The following BIRC6 variants were observed in gnomAD, a reference collection of about 807,000 sequenced individuals.
BIRC6 encodes dual E2 ubiquitin-conjugating enzyme/E3 ubiquitin-protein ligase BIRC6.
BIRC6 carries 98 observed loss-of-function variants against 503.3 expected under a neutral mutation model. The observed-to-expected ratio is 0.19, with a 90% CI of 0.17 to 0.23. BIRC6 has a LOEUF of 0.23. BIRC6 is among the 10% of genes least tolerant of loss of function. The probability of loss-of-function intolerance (pLI) is 1.00; values close to 1 mark genes in which losing one functional copy is unlikely to be tolerated. For synonymous variants in BIRC6, 2,240 were observed against 2,078.7 expected, an observed-to-expected ratio of 1.08 and a Z score of -2.11; for missense variants, 5,360 against 5,806.0, an observed-to-expected ratio of 0.92 and a Z score of 2.50.
intron 66 of BIRC6, among the ~76,000 whole-genome samples, chr2:32,575,641 T>C (rs1464565413): frequency 6.6e-6 from 1 of 151,942 alleles, no homozygotes; most frequent in Non-Finnish European, 1.5e-5. Context: ...GGCGGGCACC[T>C]GTAGTCCCAG....
At position 32,482,462 on chromosome 2, in the gene BIRC6, G is replaced by T. The variant is rs751945632; in HGVS notation, c.7576G>T (p.Ala2526Ser). The T allele has an allele frequency of 1.2e-6, 2 of 1,613,920 alleles. No individual in the cohort carries two copies. The highest frequency in any genetic ancestry group is 1.7e-6 in the Non-Finnish European group (2 of 1,179,846). Reference sequence around the variant, plus strand: ...CAGTACATGGTATGATTATTGGGGTGCTGATTATGGGACCTACAATTACAA... The same window carrying T: ...CAGTACATGGTATGATTATTGGGGTTCTGATTATGGGACCTACAATTACAA... ...ISSTWYDYWG[A>S]DYGTYNYNPY... is the part of the protein sequence containing the mutation. Residue 2526 changes from alanine (A) to serine (S), a missense_variant, in exon 39 of 74, where the codon GCT becomes TCT. Coordinates refer to ENST00000421745, the MANE Select transcript of BIRC6 (RefSeq NM_016252.4).
At chr2:32,396,961 C>T (rs1378813746) in intron 6 of BIRC6, among the ~76,000 whole-genome samples, 1 of 152,066 alleles carries the variant, frequency 6.6e-6, no homozygotes, top group Non-Finnish European at 1.5e-5. Context: ...CTCCTGAGCT[C>T]AGGTGATCCA....
At chr2:32,397,480 A>G (rs1394046983) in intron 6 of BIRC6, among the ~76,000 whole-genome samples, 1 of 151,340 alleles carries the variant, frequency 6.6e-6, no homozygotes, top group African/African-American at 2.4e-5. Context: ...CTCAAAAAAA[A>G]AGAGTGAAGC....
chr2:32,445,267 CTT>C (rs1208720371), intron 20 of BIRC6, among the ~76,000 whole-genome samples: 1 of 152,186 alleles, frequency 6.6e-6, no homozygotes, highest in Non-Finnish European at 1.5e-5. Context: ...ACCTAAATGA[CTT>C]TATAAAACTC....
intron 53 of BIRC6, among the ~76,000 whole-genome samples, chr2:32,511,201 CTTTTTT>C: frequency 3.1e-4 from 15 of 48,582 alleles, no homozygotes; most frequent in Admixed American, 1.7e-3. Flanking sequence ...CTTTTCTTTT[CTTTTTT>C]TTTTTTTTTT....
At chr2:32,411,099 C>T (rs1201573761) in intron 9 of BIRC6, among the ~76,000 whole-genome samples, 3 of 151,892 alleles carry the variant, frequency 2.0e-5, no homozygotes, top group Admixed American at 6.6e-5. Context: ...AGTGCAATGG[C>T]GTGATCTTGG....
intron 60 of BIRC6, among the ~76,000 whole-genome samples, chr2:32,530,615 T>G (rs955729357): frequency 0.069 from 4 of 58 alleles, no homozygotes; most frequent in South Asian, 0.33. Context: ...ACATTGTGGT[T>G]GTTTCCAATT....
chr2:32,440,680 G>C (rs568890878), intron 16 of BIRC6, among the ~76,000 whole-genome samples: 1 of 151,910 alleles, frequency 6.6e-6, no homozygotes, highest in East Asian at 1.9e-4. Context: ...AATACTGAAA[G>C]TGAGTGAACC....
chr2:32,579,631 G>C (rs1209186630), intron 66 of BIRC6, among the ~76,000 whole-genome samples: 1 of 152,112 alleles, frequency 6.6e-6, no homozygotes, highest in Non-Finnish European at 1.5e-5. Context: ...TGAGGTTACA[G>C]TGAGCTATGA....
At position 32,593,964 on chromosome 2, in the gene BIRC6, C is replaced by G; in HGVS notation, c.13405C>G (p.Gln4469Glu). ...AGGAGTAAAACCAGATGCGTCTGAT[C>G]AAGAACCAGAAGGACTTACTCTTTT... ...KTGVKPDASDQEPEGLTLLVP... is the reference protein window; with the variant it reads ...KTGVKPDASDEEPEGLTLLVP... The change falls in exon 67 of 74, where the codon CAA becomes GAA. Residue 4469 changes from glutamine (Q) to glutamate (E), a missense_variant. Gln to Glu is a conservative substitution (Grantham distance 29, BLOSUM62 2). Around this residue, in one of 16 missense-constraint regions of BIRC6, gnomAD observed 477 missense variants for 574.4 expected, o/e 0.83. Transcript: ENST00000421745. 1 of 1,613,478 alleles carries G rather than the reference C, an allele frequency of 6.2e-7. No individual in the cohort carries two copies. Among genetic ancestry groups the G allele is most frequent in the East Asian group, 2.2e-5 (1 of 44,832 alleles).
At chr2:32,537,992 AATT>A (rs1169373301) in intron 61 of BIRC6, among the ~76,000 whole-genome samples, 4 of 152,096 alleles carry the variant, frequency 2.6e-5, no homozygotes, top group African/African-American at 4.8e-5. Flanking sequence ...CAAAAAAAAC[AATT>A]ATTTAAAGGC....
chr2:32,455,219 A>C (rs1336416244), intron 23 of BIRC6, among the ~76,000 whole-genome samples: 1 of 151,910 alleles, frequency 6.6e-6, no homozygotes, highest in Admixed American at 6.6e-5. Context: ...TCTACTAAAA[A>C]ATACAAAAAA....
At chr2:32,566,878 C>A (rs1393246980) in intron 65 of BIRC6, among the ~76,000 whole-genome samples, 2 of 152,178 alleles carry the variant, frequency 1.3e-5, no homozygotes, top group Non-Finnish European at 2.9e-5. Flanking sequence ...CATCCACATA[C>A]TTTAGTATTC....
chr2:32,500,926 G>A (rs936820153), intron 46 of BIRC6, among the ~76,000 whole-genome samples: 6 of 151,546 alleles, frequency 4.0e-5, no homozygotes, highest in Non-Finnish European at 7.4e-5. Flanking sequence ...TTGTACAGAC[G>A]GGATTTCACC....
At chr2:32,400,179 A>G (rs540855103) in intron 6 of BIRC6, among the ~76,000 whole-genome samples, 11 of 152,234 alleles carry the variant, frequency 7.2e-5, no homozygotes, top group African/African-American at 2.4e-4. Context: ...GAAGTAGTGT[A>G]TAATTTATGA....
intron 39 of BIRC6, among the ~76,000 whole-genome samples, chr2:32,484,045 C>G (rs1169870218): frequency 6.6e-6 from 1 of 152,090 alleles, no homozygotes; most frequent in Non-Finnish European, 1.5e-5. Context: ...TCCCTGCAGT[C>G]ACTGCCTCCT....
chr2:32,391,030 A>G (rs971255855), intron 4 of BIRC6, among the ~76,000 whole-genome samples: 1 of 152,090 alleles, frequency 6.6e-6, no homozygotes, highest in African/African-American at 2.4e-5. Context: ...TGAGATGGGA[A>G]AAAAGAAAAA....
chr2:32,597,667 G>C (rs2061761929), intron 68 of BIRC6, 84 bp from the exon 69 acceptor site: 2 of 978,442 alleles, frequency 2.0e-6, no homozygotes, highest in Non-Finnish European at 3.1e-6. Context: ...AGTTGAGTGG[G>C]AGAAGGACTA....
At chr2:32,454,479 A>AC (rs1558770878) in intron 23 of BIRC6, among the ~76,000 whole-genome samples, 1 of 150,284 alleles carries the variant, frequency 6.7e-6, no homozygotes, top group African/African-American at 2.4e-5. Flanking sequence ...GTTTTCTGTG[A>AC]TTTTTTTTTT....
Sources: allele counts gnomAD v4.1 joint callset (sites outside exome capture counted in the v4.1 genomes callset), GRCh38; gene constraint gnomAD v4.1.1; regional missense constraint gnomAD v4.1.1; transcripts MANE v1.5; gene names NCBI Gene and HGNC (gene_info 2026-07-23, HGNC 2026-07-21).